Variants in PLLP observed in about 807,000 individuals in gnomAD.
PLLP encodes plasma membrane proteolipid (plasmolipin).
Under a neutral mutation model 19.7 loss-of-function variants are expected in PLLP, and 15 were observed. The observed-to-expected ratio is 0.76, with a 90% CI of 0.51 to 1.17. The LOEUF is 1.17. PLLP is among the 50% of genes most tolerant of loss of function. The pLI is 0.00. For synonymous variants in PLLP, 111 were observed against 116.3 expected, an observed-to-expected ratio of 0.95 and a Z score of 0.29; for missense variants, 255 against 258.3, an observed-to-expected ratio of 0.99 and a Z score of 0.09.
chr16:57,271,213 A>C (rs1425631996), intron 1 of PLLP, among the ~76,000 whole-genome samples: 1 of 150,970 alleles, frequency 6.6e-6, no homozygotes, highest in Non-Finnish European at 1.5e-5. Flanking sequence ...GGCTGAGCTG[A>C]GCCGCCCCTG....
At chr16:57,266,038 T>A (rs997667934) in intron 1 of PLLP, among the ~76,000 whole-genome samples, 5 of 151,980 alleles carry the variant, frequency 3.3e-5, no homozygotes, top group African/African-American at 7.3e-5. Flanking sequence ...TAAATAAAAA[T>A]TTTAAAAGGA....
intron 1 of PLLP, among the ~76,000 whole-genome samples, chr16:57,268,739 G>A (rs935374627): frequency 7.9e-5 from 12 of 152,128 alleles, no homozygotes; most frequent in Non-Finnish European, 1.8e-4. Flanking sequence ...CCTCCTGCCT[G>A]GGCCCTAGGG....
intron 1 of PLLP, among the ~76,000 whole-genome samples, chr16:57,266,493 T>C (rs1016346274): frequency 6.6e-5 from 10 of 152,104 alleles, no homozygotes; most frequent in Non-Finnish European, 1.3e-4. Context: ...GCTGTGGGCA[T>C]CTCTCTGGGT....
chr16:57,260,395 G>A (rs375018250), intron 2 of PLLP, among the ~76,000 whole-genome samples: 4 of 152,256 alleles, frequency 2.6e-5, no homozygotes, highest in African/African-American at 4.8e-5. Flanking sequence ...TCCCTGGGAC[G>A]TGAGGGAGGG....
At chr16:57,283,576 C>T (rs893045757) in intron 1 of PLLP, among the ~76,000 whole-genome samples, 14 of 152,220 alleles carry the variant, frequency 9.2e-5, no homozygotes, top group Non-Finnish European at 1.9e-4. Flanking sequence ...GCTTCCAGAC[C>T]CTCACGAAAG....
chr16:57,282,426 T>A (rs961589223), intron 1 of PLLP, among the ~76,000 whole-genome samples: 41 of 151,830 alleles, frequency 2.7e-4, no homozygotes, highest in African/African-American at 8.5e-4. Flanking sequence ...TTTCCTTTTT[T>A]TTGTAGAGAC....
At chr16:57,284,253 G>T (rs1486477412) in intron 1 of PLLP, among the ~76,000 whole-genome samples, 153 bp downstream of exon 1, 7 of 152,174 alleles carry the variant, frequency 4.6e-5, no homozygotes, top group African/African-American at 2.4e-5. Flanking sequence ...TGCGGGAAGC[G>T]CCCTAGGGGT....
At chr16:57,275,008 G>A (rs1052620995) in intron 1 of PLLP, among the ~76,000 whole-genome samples, 4 of 151,792 alleles carry the variant, frequency 2.6e-5, no homozygotes, top group East Asian at 1.9e-4. Flanking sequence ...TGATCCGCCC[G>A]CCTCGGCCTC....
chr16:57,267,967 G>A (rs1043612817), intron 1 of PLLP, among the ~76,000 whole-genome samples: 7 of 152,060 alleles, frequency 4.6e-5, no homozygotes, highest in Admixed American at 2.6e-4. Context: ...CTGGATTGGG[G>A]GCATCTCTAA....
intron 1 of PLLP, among the ~76,000 whole-genome samples, chr16:57,274,314 A>C (rs1901122014): frequency 6.6e-6 from 1 of 152,006 alleles, no homozygotes; most frequent in Non-Finnish European, 1.5e-5. Context: ...ATTTTCATTT[A>C]TTTCAAAGTT....
chr16:57,263,876 T>TC (rs1555505616), intron 1 of PLLP, among the ~76,000 whole-genome samples: 2 of 152,158 alleles, frequency 1.3e-5, no homozygotes, highest in Non-Finnish European at 2.9e-5. Flanking sequence ...GTCCTCTTTT[T>TC]CCCCTGGTCA....
chr16:57,261,106 G>C (rs1178996241), intron 2 of PLLP, among the ~76,000 whole-genome samples: 1 of 152,054 alleles, frequency 6.6e-6, no homozygotes, highest in Non-Finnish European at 1.5e-5. Flanking sequence ...TCCTGTCTCA[G>C]CCTCCCAAGT....
chr16:57,257,094 T>C (rs1401887881), intron 3 of PLLP, 65 bp from the exon 4 acceptor site: 1 of 1,171,392 alleles, frequency 8.5e-7, no homozygotes, highest in Admixed American at 1.7e-5. Context: ...TCCAACCAGA[T>C]CTCAGGCCAG....
chr16:57,256,205 T>A lies in PLLP; in HGVS notation c.*708A>T. 1 of 395,706 alleles carries A rather than the reference T, an allele frequency of 2.5e-6. No individual in the cohort carries two copies. The highest frequency in any genetic ancestry group is 4.4e-6 in the Non-Finnish European group (1 of 224,802). The allele number at this position is 395,706 out of a possible 1,614,324, so 24.5% of individuals were successfully genotyped here. A position where few individuals can be genotyped will look rare whatever the true frequency, so the allele number is the denominator to read the frequency against. Reference sequence around the variant, plus strand: ...TTCCCTCCCTCCTTTGCGTCCCATGTGCCTAGTCAGCAAGGTCGGGGAGGC... The same window carrying A: ...TTCCCTCCCTCCTTTGCGTCCCATGAGCCTAGTCAGCAAGGTCGGGGAGGC... On this transcript the variant is annotated 3_prime_UTR_variant, in exon 4 of 4. Transcript: ENST00000219207.
At chr16:57,264,219 G>A (rs1309597371) in intron 1 of PLLP, among the ~76,000 whole-genome samples, 1 of 152,088 alleles carries the variant, frequency 6.6e-6, no homozygotes, top group African/African-American at 2.4e-5. Context: ...GCTGGCCCAG[G>A]GAGCCCTCAG....
intron 3 of PLLP, among the ~76,000 whole-genome samples, chr16:57,257,954 G>C (rs180754897): frequency 6.6e-6 from 1 of 152,190 alleles, no homozygotes; most frequent in Non-Finnish European, 1.5e-5. Context: ...CAAGGCGAGT[G>C]GATCACCTGA....
rs142337903 is a variant in PLLP, at chr16:57,278,596, C to A, written c.135+5810G>T. ...CAAACACTCAATACTCCCCCCCTTG[C>A]AGTAAGTGGGGAGTGTGGGGGGAAC... is the stretch of plus-strand genomic sequence containing the variant. On this transcript the variant is annotated intron_variant, in intron 1 of 3. Transcript: ENST00000219207. Among the ~76,000 whole-genome samples the A allele has an allele frequency of 5.6e-3, 849 of 152,210 alleles. 8 individuals are homozygous for A. The highest frequency in any genetic ancestry group is 0.02 in the African/African-American group (816 of 41,518).
At chr16:57,262,121 T>C in intron 1 of PLLP, 51 bp from the exon 2 acceptor site, 2 of 1,572,742 alleles carry the variant, frequency 1.3e-6, no homozygotes, top group South Asian at 1.1e-5. Flanking sequence ...TTTCATTTCT[T>C]ATCTAGCTAA....
At chr16:57,263,775 G>A (rs1264071587) in intron 1 of PLLP, among the ~76,000 whole-genome samples, 4 of 148,246 alleles carry the variant, frequency 2.7e-5, no homozygotes, top group East Asian at 2.1e-4. Context: ...CCTTCTCCAC[G>A]AGGGCACTCT....
Sources: allele counts gnomAD v4.1 joint callset (sites outside exome capture counted in the v4.1 genomes callset), GRCh38; gene constraint gnomAD v4.1.1; transcripts MANE v1.5; gene names NCBI Gene and HGNC (gene_info 2026-07-23, HGNC 2026-07-21).